The following AP3B2 variants were observed in gnomAD, a reference collection of about 807,000 sequenced individuals.
The protein encoded by AP3B2 is AP-3 complex subunit beta-2.
Under a neutral mutation model 126.9 loss-of-function variants are expected in AP3B2, and 50 were observed. The observed-to-expected ratio is 0.39, with a 90% CI of 0.31 to 0.50. The LOEUF is 0.50. Ranked by LOEUF, AP3B2 falls within the 20% of genes least tolerant of loss-of-function variation. The probability of loss-of-function intolerance (pLI) is 0.79; values close to 1 mark genes in which losing one functional copy is unlikely to be tolerated. For synonymous variants in AP3B2, 541 were observed against 565.0 expected (o/e 0.96, Z 0.60); for missense variants, 1,177 against 1,426.4 (o/e 0.83, Z 2.82).
At chr15:82,669,494 C>T (rs1266748959) in intron 14 of AP3B2, among the ~76,000 whole-genome samples, 1 of 148,144 alleles carries the variant, frequency 6.8e-6, no homozygotes, top group East Asian at 2.1e-4. Flanking sequence ...GAGATTGAGA[C>T]CATCGTGGCC....
chr15:82,705,363 G>A (rs1157541842), intron 1 of AP3B2, among the ~76,000 whole-genome samples: 1 of 152,136 alleles, frequency 6.6e-6, no homozygotes, highest in Non-Finnish European at 1.5e-5. Flanking sequence ...AACCAGACAA[G>A]TCTTACAATT....
intron 14 of AP3B2, among the ~76,000 whole-genome samples, chr15:82,671,776 G>C (rs1337660479): frequency 2.0e-5 from 3 of 150,830 alleles, no homozygotes; most frequent in Non-Finnish European, 4.4e-5. Flanking sequence ...AGGTGCAGTG[G>C]CTCACGCCTG....
Position 82,680,908 on chromosome 15 carries a change from A to G in AP3B2, c.700T>C (p.Trp234Arg). The G allele has an allele frequency of 6.2e-7, 1 of 1,612,980 alleles. No individual in the cohort carries two copies. Among genetic ancestry groups the G allele is most frequent in the Non-Finnish European group, 8.5e-7 (1 of 1,179,636 alleles). Residue 234 changes from tryptophan (W) to arginine (R), a missense_variant, in exon 7 of 27, where the codon TGG becomes CGG. By Grantham distance (101) the Trp-to-Arg change is moderately radical (BLOSUM62 -3). Transcript: ENST00000535359. The surrounding 1 kb of genome is among the most constrained non-coding windows in gnomAD (Gnocchi z 6.1). Reference sequence around the variant, plus strand: ...ATGCTGATGATGACCACCTGGCCCCACTCCTCCACGTCGATCAGCAGGTTA... The same window carrying G: ...ATGCTGATGATGACCACCTGGCCCCGCTCCTCCACGTCGATCAGCAGGTTA... ...LCNLLIDVEE[W>R]GQVVIISMLT... is the part of the protein sequence containing the mutation.
chr15:82,670,115 C>CGG (rs1363073908), intron 14 of AP3B2, among the ~76,000 whole-genome samples: 5 of 54,524 alleles, frequency 9.2e-5, no homozygotes, highest in East Asian at 5.3e-4. Context: ...TTTTTTTTGG[C>CGG]GGGGGGGGAC....
At position 82,665,696 on chromosome 15, in the gene AP3B2, G is replaced by T; in HGVS notation, c.1853-121C>A. On this transcript the variant is annotated intron_variant, in intron 15 of 26. Transcript: ENST00000535359. This position sits in a 1 kb window ranked among gnomAD's most constrained non-coding sequence, Gnocchi z 4.4. Reference sequence around the variant, plus strand: ...ACTTCCCAGGTGGGTAGGGGAAGGAGATGGATGTGTGCCCTAATGGCTCTT... The same window carrying T: ...ACTTCCCAGGTGGGTAGGGGAAGGATATGGATGTGTGCCCTAATGGCTCTT... The T allele has an allele frequency of 8.3e-6, 6 of 721,760 alleles. No homozygotes were observed. Among genetic ancestry groups the T allele is most frequent in the South Asian group, 6.6e-5 (4 of 60,496 alleles). The allele number at this position is 721,760 out of a possible 1,614,324, so 44.7% of individuals were successfully genotyped here.
At position 82,677,303 on chromosome 15, in the gene AP3B2, GT is replaced by G; in HGVS notation, c.1458del (p.Lys486AsnfsTer38). 1 of 1,613,858 alleles carries G rather than the reference GT, an allele frequency of 6.2e-7. No individual in the cohort carries two copies. The highest frequency in any genetic ancestry group is 8.5e-7 in the Non-Finnish European group (1 of 1,179,850). On this transcript the variant is annotated frameshift_variant, in exon 13 of 27. Transcript: ENST00000535359. LOFTEE classifies it high-confidence loss of function. ...MQPAQHGEII[K>X]HLAKLTDNIQ... ...ATGTTGTCTGTAAGCTTTGCCAAGTGTTTGATGATCTCTCCATGTTGTGCTG... is the reference window on the plus strand; with the variant it reads ...ATGTTGTCTGTAAGCTTTGCCAAGTGTTGATGATCTCTCCATGTTGTGCTG...
At chr15:82,662,605 G>A (rs1264038489) in intron 23 of AP3B2, 89 bp downstream of exon 23, 6 of 1,280,532 alleles carry the variant, frequency 4.7e-6, no homozygotes, top group Non-Finnish European at 6.5e-6. Context: ...CTTGGCCCCT[G>A]GCCTGGCACA....
In AP3B2 at chr15:82,681,987, C is replaced by G. The variant is rs748572886; in HGVS notation, c.361-407G>C. Among the ~76,000 whole-genome samples the G allele has an allele frequency of 1.0e-4, 15 of 150,106 alleles. No homozygotes were observed. The highest frequency in any genetic ancestry group is 1.9e-4 in the Non-Finnish European group (13 of 67,704). ...CCTTACACTCCTTTCTCCCAGAAAT[C>G]ATTGCAAAAGCTGCTGTTCTTCCAC... On this transcript the variant is annotated intron_variant, in intron 4 of 26. Transcript: ENST00000535359. The surrounding 1 kb of genome is among the most constrained non-coding windows in gnomAD (Gnocchi z 4.0).
intron 1 of AP3B2, among the ~76,000 whole-genome samples, chr15:82,707,074 C>G (rs986349428): frequency 2.0e-5 from 3 of 152,158 alleles, no homozygotes; most frequent in Non-Finnish European, 2.9e-5. Flanking sequence ...TCCCTTCTGT[C>G]AGACATAATT....
chr15:82,677,418 C>T, intron 12 of AP3B2, 35 bp from the exon 13 acceptor site: 1 of 1,583,266 alleles, frequency 6.3e-7, no homozygotes, highest in South Asian at 1.1e-5. Flanking sequence ...GACCCCAAGA[C>T]AGTCAGATGG....
chr15:82,687,546 T>C (rs2085481258), intron 4 of AP3B2: 1 of 152,212 alleles, frequency 6.6e-6, no homozygotes, highest in African/African-American at 2.4e-5. Flanking sequence ...TCCATGGTTT[T>C]GACTTATAAA....
At chr15:82,677,009 T>G (rs2048253352) in intron 13 of AP3B2, among the ~76,000 whole-genome samples, 2 of 152,160 alleles carry the variant, frequency 1.3e-5, no homozygotes. Context: ...AACACAAGAT[T>G]TGTCACTCAA....
chr15:82,661,945 GAGA>G lies in AP3B2; in HGVS notation c.2919-26_2919-24del, dbSNP rs1236163836. The G allele has an allele frequency of 5.0e-6, 8 of 1,600,996 alleles. No homozygotes were observed. The African/African-American group carries it at 1.1e-4, about 21-fold the overall frequency. ...GTGCTGGGAGGGGTGGGAGGAAACG[GAGA>G]AGAATTAAGGCTGTCATCTCTCCCC... On this transcript the variant is annotated intron_variant, in intron 24 of 26. Coordinates refer to ENST00000535359, the MANE Select transcript of AP3B2 (RefSeq NM_001278512.2).
intron 14 of AP3B2, among the ~76,000 whole-genome samples, chr15:82,675,048 C>T (rs1010113090): frequency 2.6e-5 from 4 of 152,192 alleles, no homozygotes; most frequent in Non-Finnish European, 4.4e-5. Context: ...TCAAACATTC[C>T]TCCCACTTGC....
In AP3B2 at chr15:82,680,900, C is replaced by T; in HGVS notation, c.708G>A (p.Gln236=). The change falls in exon 7 of 27, where the codon CAG becomes CAA. Residue 236 remains glutamine (Q), a synonymous_variant. Transcript: ENST00000535359. This position sits in a 1 kb window ranked among gnomAD's most constrained non-coding sequence, Gnocchi z 6.1. ...GGGTGAGCATGCTGATGATGACCAC[C>T]TGGCCCCACTCCTCCACGTCGATCA... ...NLLIDVEEWG[Q]VVIISMLTRY... is the part of the protein sequence containing the mutation. 1 of 1,613,970 alleles carries T rather than the reference C, an allele frequency of 6.2e-7. No homozygotes were observed.
At position 82,662,531 on chromosome 15, in the gene AP3B2, T is replaced by C. The variant is rs2047969515; in HGVS notation, c.2833+163A>G. 1.3e-5 allele frequency: 10 copies of C among 761,504 alleles called. No individual in the cohort carries two copies. In the South Asian group the frequency reaches 1.7e-4, roughly 13 times the overall value. The allele number at this position is 761,504 out of a possible 1,614,324, so 47.2% of individuals were successfully genotyped here. Reference sequence around the variant, plus strand: ...CCCGCCCTGATGTGAACTTGCTTATTTCATCATCTGTCTTGTCCACCAGAG... The same window carrying C: ...CCCGCCCTGATGTGAACTTGCTTATCTCATCATCTGTCTTGTCCACCAGAG... On this transcript the variant is annotated intron_variant, in intron 23 of 26. Transcript: ENST00000535359.
chr15:82,701,714 T>C (rs1343829219), intron 1 of AP3B2, among the ~76,000 whole-genome samples: 1 of 152,270 alleles, frequency 6.6e-6, no homozygotes, highest in East Asian at 1.9e-4. Flanking sequence ...CAGTTGAATC[T>C]AGATGGATGA....
At chr15:82,693,850 G>A (rs1281606686) in intron 1 of AP3B2, among the ~76,000 whole-genome samples, 5 of 148,840 alleles carry the variant, frequency 3.4e-5, no homozygotes, top group South Asian at 2.1e-4. Context: ...ACAGGCATGC[G>A]CCACCATGCC....
chr15:82,683,506 A>G (rs1452583773), intron 4 of AP3B2, among the ~76,000 whole-genome samples: 1 of 152,160 alleles, frequency 6.6e-6, no homozygotes, highest in Non-Finnish European at 1.5e-5. Flanking sequence ...ATTCCACCAC[A>G]TATGTAGTTA....
Sources: gnomAD v4.1 joint callset for allele counts (sites outside exome capture counted in the v4.1 genomes callset) on GRCh38, gnomAD v4.1.1 for gene constraint, Gnocchi (gnomAD v3.1) non-coding constraint, MANE v1.5 for transcripts, NCBI Gene and HGNC (gene_info 2026-07-23, HGNC 2026-07-21) for gene names.